MKLN1: variants seen among roughly 807,000 people sequenced by gnomAD.
MKLN1 encodes muskelin.
MKLN1 carries 18 observed loss-of-function variants against 99.0 expected under a neutral mutation model. That is an observed-to-expected ratio of 0.18 (90% CI 0.13 to 0.27). MKLN1 has a LOEUF of 0.27. Among genes scored for constraint, MKLN1 ranks in the 10% least tolerant of loss-of-function variants. The pLI is 1.00. For synonymous variants in MKLN1, 288 were observed against 293.2 expected (o/e 0.98, Z 0.18); for missense variants, 621 against 875.9 (o/e 0.71, Z 3.67).
At chr7:131,274,159 T>A (rs1235985975) in intron 3 of MKLN1, among the ~76,000 whole-genome samples, 1 of 152,170 alleles carries the variant, frequency 6.6e-6, no homozygotes, top group African/African-American at 2.4e-5. Context: ...CTAGGGGTGC[T>A]GAAACATAAG....
At chr7:131,190,591 TTAACAA>T (rs1458772251) in intron 2 of MKLN1, among the ~76,000 whole-genome samples, 1 of 152,178 alleles carries the variant, frequency 6.6e-6, no homozygotes, top group African/African-American at 2.4e-5. Flanking sequence ...ATTTTCTTCT[TTAACAA>T]TAATTTATGA....
intron 1 of MKLN1, among the ~76,000 whole-genome samples, chr7:131,375,152 G>T (rs946258172): frequency 6.6e-6 from 1 of 151,924 alleles, no homozygotes; most frequent in African/African-American, 2.4e-5. Flanking sequence ...TTGTCACTTA[G>T]TGTAAAGTAT....
In MKLN1 at chr7:131,445,767, T is replaced by G; in HGVS notation, c.1396-7T>G. 1.9e-6 allele frequency: 3 copies of G among 1,585,992 alleles called. No homozygotes were observed. On this transcript the variant is annotated splice_polypyrimidine_tract_variant and splice_region_variant and intron_variant, in intron 11 of 17. Coordinates refer to ENST00000352689, the MANE Select transcript of MKLN1 (RefSeq NM_013255.5). ...ACTCCTTTCTTTTTTTTTTTCTTCT[T>G]TTTCAGAAAAATCGTTGCTTATATG...
chr7:131,416,591 T>G (rs566993930), intron 8 of MKLN1, among the ~76,000 whole-genome samples: 22 of 151,418 alleles, frequency 1.5e-4, no homozygotes, highest in Admixed American at 2.6e-4. Flanking sequence ...CGCAAAGGCC[T>G]AGATATTTTT....
At chr7:131,437,514 C>T (rs190072150) in intron 9 of MKLN1, among the ~76,000 whole-genome samples, 28 of 152,244 alleles carry the variant, frequency 1.8e-4, no homozygotes, top group African/African-American at 6.3e-4. Context: ...AACAGAGTGC[C>T]ATAAGCTGCA....
chr7:131,120,631 T>C (rs1282823955), intron 1 of MKLN1, among the ~76,000 whole-genome samples: 6 of 152,072 alleles, frequency 3.9e-5, no homozygotes, highest in African/African-American at 1.4e-4. Context: ...CAAAGTTTCA[T>C]AGATCTTGAG....
chr7:131,479,794 TC>T (rs985074918), intron 17 of MKLN1, among the ~76,000 whole-genome samples: 2 of 151,522 alleles, frequency 1.3e-5, no homozygotes, highest in Non-Finnish European at 2.9e-5. Context: ...GCCACTGCAC[TC>T]CAGCCTGGGC....
chr7:131,339,717 G>T (rs1442078051), intron 1 of MKLN1, among the ~76,000 whole-genome samples: 1 of 151,712 alleles, frequency 6.6e-6, no homozygotes, highest in African/African-American at 2.4e-5. Context: ...AAAAAATTGA[G>T]AGTTTAATCT....
At chr7:131,141,989 A>G (rs1041266091) in intron 1 of MKLN1, among the ~76,000 whole-genome samples, 2 of 152,138 alleles carry the variant, frequency 1.3e-5, no homozygotes, top group South Asian at 4.1e-4. Flanking sequence ...TATAAATTAA[A>G]TTTCCGGCTG....
intron 3 of MKLN1, among the ~76,000 whole-genome samples, chr7:131,274,208 A>T (rs1797928043): frequency 6.6e-6 from 1 of 152,200 alleles, no homozygotes; most frequent in Admixed American, 6.5e-5. Context: ...AGTCTCCAAG[A>T]TAACTGGCAA....
rs1421665666 is a variant in MKLN1, at chr7:131,493,740, G to A, written c.*6012G>A. ...TTGGGGGCTCCCTTGCTTATTCACTGAGTTTAAGCTCTTGCTGCAACATAG... is the reference window on the plus strand; with the variant it reads ...TTGGGGGCTCCCTTGCTTATTCACTAAGTTTAAGCTCTTGCTGCAACATAG... On this transcript the variant is annotated 3_prime_UTR_variant, in exon 18 of 18. Coordinates refer to ENST00000352689, the MANE Select transcript of MKLN1 (RefSeq NM_013255.5). 1.3e-5 allele frequency: 2 copies of A among 152,216 alleles called. No individual in the cohort carries two copies. The highest frequency in any genetic ancestry group is 2.9e-5 in the Non-Finnish European group (2 of 68,052). The allele number at this position is 152,216 out of a possible 1,614,324, so 9.4% of individuals were successfully genotyped here. A position where few individuals can be genotyped will look rare whatever the true frequency, so the allele number is the denominator to read the frequency against.
At chr7:131,478,868 GT>G in intron 17 of MKLN1, 191 bp downstream of exon 17, 1 of 667,054 alleles carries the variant, frequency 1.5e-6, no homozygotes. Flanking sequence ...TTGCAGTTCA[GT>G]TTGCAATGAC....
intron 3 of MKLN1, among the ~76,000 whole-genome samples, chr7:131,208,640 G>C (rs11773295): frequency 0.18 from 27,010 of 152,108 alleles, 2,906 homozygotes; most frequent in Non-Finnish European, 0.25. Context: ...ATATGTTACA[G>C]ATATTACTTT....
chr7:131,357,404 A>G (rs1281844365), intron 1 of MKLN1, among the ~76,000 whole-genome samples: 2 of 152,106 alleles, frequency 1.3e-5, no homozygotes, highest in Non-Finnish European at 2.9e-5. Flanking sequence ...CTCCACTGTA[A>G]TATTTTCCCT....
At chr7:131,377,327 TCTC>T (rs1348544296) in intron 2 of MKLN1, among the ~76,000 whole-genome samples, 1 of 152,194 alleles carries the variant, frequency 6.6e-6, no homozygotes, top group Non-Finnish European at 1.5e-5. Context: ...TGGATCATGT[TCTC>T]CTCATCACTT....
intron 2 of MKLN1, among the ~76,000 whole-genome samples, chr7:131,158,286 A>T (rs1795997726): frequency 6.6e-6 from 1 of 152,082 alleles, no homozygotes. Flanking sequence ...CTAAAAATAT[A>T]AAAAAATCAG....
intron 6 of MKLN1, among the ~76,000 whole-genome samples, chr7:131,401,983 C>G (rs924445334): frequency 3.3e-5 from 5 of 152,126 alleles, no homozygotes; most frequent in Non-Finnish European, 5.9e-5. Flanking sequence ...GTTGGGGTGG[C>G]TGTGACAGTT....
intron 16 of MKLN1, among the ~76,000 whole-genome samples, chr7:131,475,346 G>T (rs1796934865): frequency 6.6e-6 from 1 of 152,016 alleles, no homozygotes; most frequent in Non-Finnish European, 1.5e-5. Context: ...TACAGAGATT[G>T]AATTTGTAAT....
intron 3 of MKLN1, among the ~76,000 whole-genome samples, chr7:131,229,255 T>G (rs985643549): frequency 1.3e-5 from 2 of 152,006 alleles, no homozygotes; most frequent in African/African-American, 4.8e-5. Flanking sequence ...GGTGGTTTGC[T>G]GCACCCATCG....
Sources: gnomAD v4.1 joint callset for allele counts (sites outside exome capture counted in the v4.1 genomes callset) on GRCh38, gnomAD v4.1.1 for gene constraint, MANE v1.5 for transcripts, NCBI Gene and HGNC (gene_info 2026-07-23, HGNC 2026-07-21) for gene names.